The following LAMA2 variants were observed in gnomAD, a reference collection of about 807,000 sequenced individuals.
LAMA2 encodes the protein laminin subunit alpha 2, also known as laminin subunit alpha-2.
In LAMA2, 269 loss-of-function variants were observed where a neutral mutation model predicts 364.8. That is an observed-to-expected ratio of 0.74 (90% CI 0.67 to 0.82). LAMA2 has a LOEUF of 0.82. Among genes scored for constraint, LAMA2 ranks in the 40% least tolerant of loss-of-function variants. The pLI is 0.00. For missense variants in LAMA2, 3,807 were observed against 3,873.2 expected, an observed-to-expected ratio of 0.98 and a Z score of 0.45; for synonymous variants, 1,379 against 1,370.6, an observed-to-expected ratio of 1.01 and a Z score of -0.14.
In LAMA2 at chr6:129,285,682, T is replaced by G. The variant is rs1789053128; in HGVS notation, c.2538-2165T>G. 2.0e-5 allele frequency among the ~76,000 whole-genome samples: 3 copies of G among 152,122 alleles called. No homozygotes were observed. The South Asian group carries it at 6.2e-4, about 31-fold the overall frequency. On this transcript the variant is annotated intron_variant, in intron 18 of 64. Transcript: ENST00000421865. ...GAGATGTGAATATATGTGGATGTGA[T>G]CATAAGCTCTGAATATTAAATAAGA... is the stretch of plus-strand genomic sequence containing the variant.
Position 129,492,376 on chromosome 6 carries a change from C to G in LAMA2, c.8137C>G (p.Gln2713Glu). 1 of 1,614,142 alleles carries G rather than the reference C, an allele frequency of 6.2e-7. No individual in the cohort carries two copies. The highest frequency in any genetic ancestry group is 8.5e-7 in the Non-Finnish European group (1 of 1,179,974). The stretch of plus-strand genomic sequence containing the variant: ...TGCTGACATTGGTCGCTGTGCCCAT[C>G]AGAAACTCCGTGAAGATGAAGATGG... ...KNADIGRCAH[Q>E]KLREDEDGAA... is the part of the protein sequence containing the mutation. The change falls in exon 58 of 65, where the codon CAG becomes GAG. Residue 2713 changes from glutamine (Q) to glutamate (E), a missense_variant. Physicochemically the swap from Gln to Glu is conservative, Grantham distance 29. This residue lies in a region of LAMA2 where 3,333 missense variants were observed against 3,345.7 expected (regional missense o/e 1.00). Transcript: ENST00000421865.
chr6:129,308,779 C>G (rs1774034507), intron 22 of LAMA2, among the ~76,000 whole-genome samples: 1 of 152,138 alleles, frequency 6.6e-6, no homozygotes, highest in African/African-American at 2.4e-5. Context: ...GCATCTGTTT[C>G]TGGTGAAGGC....
intron 3 of LAMA2, among the ~76,000 whole-genome samples, chr6:129,064,363 CAA>C (rs61014931): frequency 0.017 from 1,946 of 117,412 alleles, 20 homozygotes; most frequent in African/African-American, 0.041. Context: ...TTCAAGAAAG[CAA>C]AAAAAAAAAA....
At chr6:129,345,206 G>A (rs149633778) in intron 30 of LAMA2, among the ~76,000 whole-genome samples, 21 of 152,246 alleles carry the variant, frequency 1.4e-4, no homozygotes, top group African/African-American at 5.1e-4. Flanking sequence ...TTCAAGGGGA[G>A]GAATAGTTGG....
At chr6:128,893,497 G>A (rs1270977444) in intron 1 of LAMA2, among the ~76,000 whole-genome samples, 1 of 151,808 alleles carries the variant, frequency 6.6e-6, no homozygotes, top group Non-Finnish European at 1.5e-5. Flanking sequence ...ATGACACATA[G>A]CTTTCAAACA....
At chr6:128,896,422 T>C (rs1256886159) in intron 1 of LAMA2, among the ~76,000 whole-genome samples, 1 of 151,984 alleles carries the variant, frequency 6.6e-6, no homozygotes, top group Non-Finnish European at 1.5e-5. Flanking sequence ...TTTTTTTTTT[T>C]CTGCCATACA....
chr6:128,939,298 G>A (rs1314711746), intron 1 of LAMA2, among the ~76,000 whole-genome samples: 1 of 149,788 alleles, frequency 6.7e-6, no homozygotes, highest in East Asian at 2.0e-4. Flanking sequence ...ATGTATTACA[G>A]TTTATCCTGG....
chr6:128,904,634 T>A (rs1777305256), intron 1 of LAMA2, among the ~76,000 whole-genome samples: 1 of 151,940 alleles, frequency 6.6e-6, no homozygotes, highest in Non-Finnish European at 1.5e-5. Flanking sequence ...TATTCTTGTA[T>A]TTTTAGTAGG....
At chr6:129,487,798 G>A (rs951537706) in intron 56 of LAMA2, among the ~76,000 whole-genome samples, 1 of 152,070 alleles carries the variant, frequency 6.6e-6, no homozygotes, top group Non-Finnish European at 1.5e-5. Flanking sequence ...AACCATGATC[G>A]AGACAAATGA....
intron 22 of LAMA2, among the ~76,000 whole-genome samples, chr6:129,302,972 G>T (rs932203399): frequency 2.6e-5 from 4 of 151,898 alleles, no homozygotes; most frequent in African/African-American, 9.7e-5. Flanking sequence ...TTTAAATTTA[G>T]CATGTCAATT....
intron 34 of LAMA2, among the ~76,000 whole-genome samples, chr6:129,375,710 CTTTGGTCTTCAATTG>C: frequency 6.6e-6 from 1 of 152,174 alleles, no homozygotes; most frequent in Non-Finnish European, 1.5e-5. Context: ...ATAACACTTT[CTTTGGTCTTCAATTG>C]CCATGTACAA....
chr6:129,226,477 T>C (rs1413047623), intron 12 of LAMA2, among the ~76,000 whole-genome samples: 4 of 152,216 alleles, frequency 2.6e-5, no homozygotes, highest in Non-Finnish European at 5.9e-5. Context: ...TACTGGTTGT[T>C]CCTTTCCATG....
chr6:129,487,685 AG>A (rs1784659406), intron 56 of LAMA2, among the ~76,000 whole-genome samples: 1 of 152,200 alleles, frequency 6.6e-6, no homozygotes, highest in African/African-American at 2.4e-5. Context: ...TAAACAACAA[AG>A]CTTTCCTCAG....
chr6:129,216,716 A>G (rs1783446658), intron 12 of LAMA2, among the ~76,000 whole-genome samples: 1 of 152,176 alleles, frequency 6.6e-6, no homozygotes, highest in Admixed American at 6.6e-5. Flanking sequence ...ATGAAGTGCA[A>G]TTTGTAATAT....
chr6:129,274,701 T>A (rs1788180595), intron 17 of LAMA2, among the ~76,000 whole-genome samples: 1 of 152,018 alleles, frequency 6.6e-6, no homozygotes, highest in African/African-American at 2.4e-5. Flanking sequence ...TGGTGATCAC[T>A]ATGCTTGGCC....
chr6:129,482,647 T>C (rs1784401903), intron 55 of LAMA2, among the ~76,000 whole-genome samples: 1 of 152,182 alleles, frequency 6.6e-6, no homozygotes, highest in African/African-American at 2.4e-5. Context: ...GTAACAAATC[T>C]TATTTATTTT....
At chr6:129,178,116 C>T (rs1780724211) in intron 10 of LAMA2, among the ~76,000 whole-genome samples, 1 of 152,148 alleles carries the variant, frequency 6.6e-6, no homozygotes, top group South Asian at 2.1e-4. Flanking sequence ...AACACTTTCA[C>T]CCCATTGCCC....
At chr6:129,357,091 C>G (rs1034354040) in intron 32 of LAMA2, among the ~76,000 whole-genome samples, 1 of 152,046 alleles carries the variant, frequency 6.6e-6, no homozygotes, top group Admixed American at 6.6e-5. Context: ...CCTCCTCTTT[C>G]AACTGTCATT....
At chr6:129,029,937 T>G (rs1195563034) in intron 1 of LAMA2, among the ~76,000 whole-genome samples, 1 of 152,094 alleles carries the variant, frequency 6.6e-6, no homozygotes, top group African/African-American at 2.4e-5. Flanking sequence ...GCTTACATAT[T>G]AAAGGCCACC....
Sources: gnomAD v4.1 joint callset for allele counts (sites outside exome capture counted in the v4.1 genomes callset) on GRCh38, gnomAD v4.1.1 for gene constraint, gnomAD v4.1.1 regional missense constraint, MANE v1.5 for transcripts, NCBI Gene and HGNC (gene_info 2026-07-23, HGNC 2026-07-21) for gene names.